The following DHRSX variants were observed in gnomAD, a reference collection of about 807,000 sequenced individuals.
DHRSX encodes polyprenol dehydrogenase.
Under a neutral mutation model 34.0 loss-of-function variants are expected in DHRSX, and 31 were observed. The ratio of observed to expected loss-of-function variants is 0.91; its 90% CI spans 0.69 to 1.23. DHRSX has a LOEUF of 1.23. Among genes scored for constraint, DHRSX ranks in the 50% most tolerant of loss-of-function variants. DHRSX has a pLI of 0.00. For synonymous variants in DHRSX, 201 were observed against 183.8 expected, an observed-to-expected ratio of 1.09 and a Z score of -0.76; for missense variants, 414 against 428.1, an observed-to-expected ratio of 0.97 and a Z score of 0.29.
intron 4 of DHRSX, among the ~76,000 whole-genome samples, chrX:2,273,793 T>G (rs1470988416): frequency 1.3e-5 from 2 of 152,224 alleles, no homozygotes; most frequent in African/African-American, 2.4e-5. Context: ...AGCAAATTCT[T>G]GGTGACAACA....
intron 3 of DHRSX, among the ~76,000 whole-genome samples, chrX:2,346,647 T>TG (rs2042717144): frequency 9.0e-6 from 1 of 111,336 alleles, no homozygotes; most frequent in South Asian, 3.0e-4. Context: ...TGAGTCTGGT[T>TG]TTTTTTTTGT....
chrX:2,271,700 A>G (rs2041557145), intron 4 of DHRSX, among the ~76,000 whole-genome samples: 1 of 152,146 alleles, frequency 6.6e-6, no homozygotes, highest in Non-Finnish European at 1.5e-5. Context: ...AAGCCCATCT[A>G]ACAAAACACT....
intron 3 of DHRSX, among the ~76,000 whole-genome samples, chrX:2,376,889 GAGGCTA>G (rs2124606332): frequency 6.6e-6 from 1 of 152,142 alleles, no homozygotes; most frequent in African/African-American, 2.4e-5. Flanking sequence ...AGCTACTCAG[GAGGCTA>G]AGGCAGGAGA....
intron 4 of DHRSX, among the ~76,000 whole-genome samples, chrX:2,274,942 T>C (rs2041605125): frequency 2.0e-5 from 3 of 152,110 alleles, no homozygotes; most frequent in South Asian, 2.1e-4. Flanking sequence ...GGTAGAGAGA[T>C]TGGATGGGTG....
chrX:2,380,678 G>T (rs2043192519), intron 3 of DHRSX, among the ~76,000 whole-genome samples: 2 of 152,052 alleles, frequency 1.3e-5, no homozygotes, highest in South Asian at 4.2e-4. Flanking sequence ...TTCTCACGAG[G>T]TCTGACAGTT....
At chrX:2,272,585 G>A (rs2041572074) in intron 4 of DHRSX, among the ~76,000 whole-genome samples, 1 of 152,112 alleles carries the variant, frequency 6.6e-6, no homozygotes. Context: ...TGGTTCTTGG[G>A]AATGCTGAGT....
intron 3 of DHRSX, among the ~76,000 whole-genome samples, chrX:2,302,919 G>A (rs899723098): frequency 6.6e-5 from 10 of 152,070 alleles, no homozygotes; most frequent in African/African-American, 2.4e-4. Flanking sequence ...GATTAGGGGA[G>A]AGGCAGTTTT....
intron 3 of DHRSX, among the ~76,000 whole-genome samples, chrX:2,359,029 G>A (rs1297478622): frequency 4.0e-5 from 6 of 150,970 alleles, no homozygotes; most frequent in Non-Finnish European, 7.4e-5. Flanking sequence ...TTAGAGACAC[G>A]CAAATCAAAA....
At chrX:2,302,363 G>T (rs2042022185) in intron 3 of DHRSX, among the ~76,000 whole-genome samples, 1 of 152,108 alleles carries the variant, frequency 6.6e-6, no homozygotes, top group South Asian at 2.1e-4. Flanking sequence ...TGTTATCCCA[G>T]CACTTTGGGA....
At chrX:2,227,624 A>G (rs2015706693) in intron 6 of DHRSX, among the ~76,000 whole-genome samples, 3 of 125,546 alleles carry the variant, frequency 2.4e-5, no homozygotes, top group South Asian at 3.1e-4. Flanking sequence ...GCAAAGAAGG[A>G]AGGGAGGCAG....
intron 3 of DHRSX, among the ~76,000 whole-genome samples, chrX:2,372,236 G>A (rs2043081036): frequency 6.6e-6 from 1 of 152,166 alleles, no homozygotes; most frequent in African/African-American, 2.4e-5. Context: ...AATTTTAATG[G>A]TGAATCGGGT....
intron 3 of DHRSX, among the ~76,000 whole-genome samples, chrX:2,318,836 A>T (rs1021687978): frequency 1.3e-5 from 2 of 151,604 alleles, no homozygotes; most frequent in African/African-American, 2.4e-5. Flanking sequence ...CTTTCACTTT[A>T]CTCTATGGAC....
intron 3 of DHRSX, among the ~76,000 whole-genome samples, chrX:2,344,345 CGAG>C (rs2042675055): frequency 6.6e-6 from 1 of 152,036 alleles, no homozygotes; most frequent in Non-Finnish European, 1.5e-5. Context: ...AGTCAGGAAA[CGAG>C]AGATGCTGGA....
chrX:2,480,975 G>C (rs2044759951), intron 1 of DHRSX, among the ~76,000 whole-genome samples: 1 of 152,064 alleles, frequency 6.6e-6, no homozygotes, highest in Non-Finnish European at 1.5e-5. Context: ...ACAAAAAAAA[G>C]TAGGTGAGGT....
intron 1 of DHRSX, among the ~76,000 whole-genome samples, chrX:2,491,042 G>T (rs1309865142): frequency 6.6e-6 from 1 of 151,582 alleles, no homozygotes; most frequent in Non-Finnish European, 1.5e-5. Context: ...ATTTTTGCAG[G>T]GCTGTACCTG....
intron 1 of DHRSX, chrX:2,488,766 G>A (rs760353059): frequency 1.1e-5 from 17 of 1,613,758 alleles, no homozygotes; most frequent in South Asian, 4.4e-5. Flanking sequence ...GCCCCACTCC[G>A]GGCGTTCTCA....
chrX:2,431,709 T>C (rs1487698240), intron 1 of DHRSX, among the ~76,000 whole-genome samples: 1 of 152,068 alleles, frequency 6.6e-6, no homozygotes. Flanking sequence ...AAACATCAAG[T>C]ACAGATGGAC....
intron 4 of DHRSX, among the ~76,000 whole-genome samples, chrX:2,277,458 G>GGA (rs747949314): frequency 0.018 from 1,015 of 56,190 alleles, 319 homozygotes; most frequent in African/African-American, 0.076. Flanking sequence ...GAGGGAACAG[G>GGA]GAGAGAGAGG....
chrX:2,307,081 G>A (rs1356587313), intron 3 of DHRSX, among the ~76,000 whole-genome samples: 1 of 151,978 alleles, frequency 6.6e-6, no homozygotes, highest in Non-Finnish European at 1.5e-5. Context: ...TTATGTGTTG[G>A]ATGAAGAAAA....
Sources: allele counts gnomAD v4.1 joint callset (sites outside exome capture counted in the v4.1 genomes callset), GRCh38; gene constraint gnomAD v4.1.1; transcripts MANE v1.5; gene names NCBI Gene and HGNC (gene_info 2026-07-23, HGNC 2026-07-21).